Variants in ASTN2 observed in about 807,000 individuals in gnomAD.
The protein encoded by ASTN2 is astrotactin-2.
ASTN2 carries 54 observed loss-of-function variants against 139.8 expected under a neutral mutation model. That is an observed-to-expected ratio of 0.39 (90% confidence interval 0.31 to 0.48). ASTN2 has a LOEUF of 0.48. Among genes scored for constraint, ASTN2 ranks in the 20% least tolerant of loss-of-function variants. The pLI is 0.95. For synonymous variants in ASTN2, 756 were observed against 719.5 expected, an observed-to-expected ratio of 1.05 and a Z score of -0.81; for missense variants, 1,565 against 1,725.1, an observed-to-expected ratio of 0.91 and a Z score of 1.64.
intron 17 of ASTN2, among the ~76,000 whole-genome samples, chr9:116,647,362 A>G (rs562717386): frequency 1.3e-5 from 2 of 152,320 alleles, no homozygotes; most frequent in East Asian, 3.9e-4. Context: ...ATGAATGACT[A>G]GCACTTCCAG....
chr9:116,447,695 G>C (rs147525631), intron 20 of ASTN2, among the ~76,000 whole-genome samples: 1 of 152,160 alleles, frequency 6.6e-6, no homozygotes, highest in Non-Finnish European at 1.5e-5. Flanking sequence ...CACCATGAAG[G>C]GTTCTTGTTA....
chr9:116,697,581 T>C (rs1860928184), intron 16 of ASTN2: 1 of 892,666 alleles, frequency 1.1e-6, no homozygotes, highest in Admixed American at 2.3e-5. Flanking sequence ...TGACTGGTCA[T>C]AGCTATTCTC....
At chr9:117,265,810 TA>T (rs11290572) in intron 2 of ASTN2, among the ~76,000 whole-genome samples, 139,306 of 147,848 alleles carry the variant, frequency 0.94, 65,961 homozygotes, top group East Asian at 0.99. Context: ...AGCAAAATGG[TA>T]AAAAAAAAAA....
chr9:117,011,280 C>G (rs1350467482), intron 6 of ASTN2, among the ~76,000 whole-genome samples: 1 of 152,136 alleles, frequency 6.6e-6, no homozygotes, highest in African/African-American at 2.4e-5. Flanking sequence ...GAAACCTAAT[C>G]CCCAATGTGG....
intron 1 of ASTN2, among the ~76,000 whole-genome samples, chr9:117,380,089 G>A (rs994372437): frequency 6.6e-6 from 1 of 152,068 alleles, no homozygotes; most frequent in Non-Finnish European, 1.5e-5. Context: ...GAGAAGGTGG[G>A]CTCTGAAAAA....
At chr9:117,180,749 T>C (rs1434361721) in intron 3 of ASTN2, 5 of 1,580,948 alleles carry the variant, frequency 3.2e-6, no homozygotes, top group Non-Finnish European at 4.3e-6. Context: ...CGACTGGGGA[T>C]GTACTTGACC....
chr9:117,312,970 C>T (rs1828023920), intron 1 of ASTN2, among the ~76,000 whole-genome samples: 2 of 152,176 alleles, frequency 1.3e-5, no homozygotes, highest in South Asian at 2.1e-4. Flanking sequence ...ATTTGCAAAC[C>T]CCAGAGTCTT....
At chr9:116,757,694 C>T (rs1044818390) in intron 13 of ASTN2, among the ~76,000 whole-genome samples, 7 of 152,066 alleles carry the variant, frequency 4.6e-5, no homozygotes, top group Non-Finnish European at 1.0e-4. Flanking sequence ...TCATTAGTTG[C>T]TCCACAGAAT....
chr9:117,380,144 A>C (rs947894644), intron 1 of ASTN2, among the ~76,000 whole-genome samples: 1 of 152,184 alleles, frequency 6.6e-6, no homozygotes, highest in African/African-American at 2.4e-5. Flanking sequence ...TACTTACTTC[A>C]GGCAAGGCAC....
rs1280965607 is a variant in ASTN2 at position 116,439,289 on chromosome 9, C to T, written c.3782+1320G>A. Among the ~76,000 whole-genome samples, 4 of 129,862 alleles carry T rather than the reference C, an allele frequency of 3.1e-5. 1 individual carries two copies. The East Asian group carries it at 1.3e-3, about 42-fold the overall frequency. 85.2% of individuals were successfully genotyped at this position (129,862 alleles called of 152,430 possible). A position where few individuals can be genotyped will look rare whatever the true frequency, so the allele number is the denominator to read the frequency against. On this transcript the variant is annotated intron_variant, in intron 22 of 22. Transcript: ENST00000313400. ...GATCTCGGCTCACTGCAAGCTCCGC[C>T]TCCCGGGTTCACGCCATTCTCCTGC...
intron 7 of ASTN2, among the ~76,000 whole-genome samples, chr9:116,999,544 CTTTCT>C (rs1564377504): frequency 1.9e-5 from 2 of 103,746 alleles, no homozygotes; most frequent in African/African-American, 8.1e-5. Context: ...TTCTTTCTCT[CTTTCT>C]TTTTTTTTTT....
chr9:117,030,617 A>G (rs2132632827), intron 6 of ASTN2, among the ~76,000 whole-genome samples: 1 of 152,266 alleles, frequency 6.6e-6, no homozygotes, highest in African/African-American at 2.4e-5. Context: ...GCTGCTTAGA[A>G]TGGTTTTTCT....
At chr9:117,131,609 T>C (rs1470326625) in intron 4 of ASTN2, among the ~76,000 whole-genome samples, 1 of 152,186 alleles carries the variant, frequency 6.6e-6, no homozygotes, top group Admixed American at 6.5e-5. Context: ...CCATATTCTC[T>C]CTAAGGTTAC....
At chr9:117,071,011 G>A (rs1246490420) in intron 5 of ASTN2, among the ~76,000 whole-genome samples, 4 of 148,854 alleles carry the variant, frequency 2.7e-5, no homozygotes, top group Non-Finnish European at 4.5e-5. Context: ...CTCTCAGCTC[G>A]TCAAAGTCAT....
chr9:116,465,390 TC>T (rs1364729003), intron 20 of ASTN2, among the ~76,000 whole-genome samples: 5 of 152,172 alleles, frequency 3.3e-5, no homozygotes, highest in African/African-American at 1.2e-4. Flanking sequence ...GGTTGGGGCA[TC>T]CGGCCCTGAT....
chr9:117,316,737 T>C (rs1348885271), intron 1 of ASTN2, among the ~76,000 whole-genome samples: 2 of 152,184 alleles, frequency 1.3e-5, no homozygotes, highest in Non-Finnish European at 2.9e-5. Context: ...GGTTTCCATA[T>C]GGGCCTCATA....
At chr9:116,953,756 G>A (rs984642445) in intron 10 of ASTN2, among the ~76,000 whole-genome samples, 2 of 152,216 alleles carry the variant, frequency 1.3e-5, no homozygotes, top group African/African-American at 4.8e-5. Context: ...CCTCAACAGT[G>A]TGATCAGGTT....
intron 12 of ASTN2, among the ~76,000 whole-genome samples, chr9:116,807,700 G>T (rs1831063661): frequency 6.6e-6 from 1 of 152,234 alleles, no homozygotes; most frequent in Middle Eastern, 3.4e-3. Flanking sequence ...TGGAGAAATG[G>T]TTTACTGGGT....
At chr9:116,962,276 A>G (rs764007399) in intron 10 of ASTN2, among the ~76,000 whole-genome samples, 1 of 152,216 alleles carries the variant, frequency 6.6e-6, no homozygotes, top group African/African-American at 2.4e-5. Flanking sequence ...TGAGGACCCT[A>G]TGTCTTCTGC....
Sources: allele counts gnomAD v4.1 joint callset (sites outside exome capture counted in the v4.1 genomes callset), GRCh38; gene constraint gnomAD v4.1.1; transcripts MANE v1.5; gene names NCBI Gene and HGNC (gene_info 2026-07-23, HGNC 2026-07-21).